Variants in VAV2 observed in about 807,000 individuals in gnomAD.
VAV2 encodes vav guanine nucleotide exchange factor 2, also known as guanine nucleotide exchange factor VAV2.
A neutral mutation model predicts 132.5 loss-of-function variants in VAV2; 67 were observed. The observed-to-expected ratio is 0.51, with a 90% CI of 0.42 to 0.62. The LOEUF is 0.62. VAV2 is among the 20% of genes least tolerant of loss of function. The pLI is 0.00. For synonymous variants in VAV2, 492 were observed against 443.5 expected (o/e 1.11, Z -1.37); for missense variants, 938 against 1,153.6 (o/e 0.81, Z 2.71).
chr9:133,869,515 T>G (rs1323717342), intron 2 of VAV2, among the ~76,000 whole-genome samples: 1 of 151,678 alleles, frequency 6.6e-6, no homozygotes, highest in Non-Finnish European at 1.5e-5. Context: ...GAGGCTGAGG[T>G]GGGAGGATCA....
chr9:133,864,302 G>A (rs1234088697), intron 2 of VAV2, among the ~76,000 whole-genome samples: 2 of 152,214 alleles, frequency 1.3e-5, no homozygotes, highest in Admixed American at 6.5e-5. Flanking sequence ...CACTCAAAAC[G>A]ACCAGGCATG....
In VAV2 at chr9:133,789,971, G is replaced by A. The variant is rs1023574051; in HGVS notation, c.1189-628C>T. Among the ~76,000 whole-genome samples, 8 of 152,220 alleles carry A rather than the reference G, an allele frequency of 5.3e-5. No individual in the cohort carries two copies. The South Asian group carries it at 6.2e-4, about 12-fold the overall frequency. On this transcript the variant is annotated intron_variant, in intron 13 of 29. Coordinates refer to ENST00000371850, the MANE Select transcript of VAV2 (RefSeq NM_001134398.2). ...ACAGGGCCCTGCCTGGGAGGTGCTC[G>A]AGGCACAGGCTCAGTGTCTCCTTCC...
At chr9:133,923,351 A>T (rs1168054558) in intron 2 of VAV2, among the ~76,000 whole-genome samples, 6 of 152,236 alleles carry the variant, frequency 3.9e-5, no homozygotes, top group Non-Finnish European at 4.4e-5. Context: ...GTATATAGCC[A>T]GAAGAATTCA....
At chr9:133,767,968 T>C (rs896661141) in intron 29 of VAV2, among the ~76,000 whole-genome samples, 5 of 152,076 alleles carry the variant, frequency 3.3e-5, no homozygotes, top group African/African-American at 1.2e-4. Context: ...CTTGGGAAAG[T>C]GTGAAGGGAT....
chr9:133,848,658 G>A (rs992666089), intron 3 of VAV2, among the ~76,000 whole-genome samples: 1 of 152,268 alleles, frequency 6.6e-6, no homozygotes, highest in Non-Finnish European at 1.5e-5. Context: ...GTGCTGGCAG[G>A]CACGGGCCCC....
intron 1 of VAV2, among the ~76,000 whole-genome samples, chr9:133,958,437 G>A (rs1182384735): frequency 2.7e-5 from 4 of 150,252 alleles, no homozygotes; most frequent in African/African-American, 9.7e-5. Flanking sequence ...TAAAAGCACA[G>A]CACTTAATCC....
chr9:133,902,371 C>T (rs948304665), intron 2 of VAV2, among the ~76,000 whole-genome samples: 6 of 152,180 alleles, frequency 3.9e-5, no homozygotes, highest in Admixed American at 1.3e-4. Context: ...CATGCAGACA[C>T]GGCTGCGGCC....
At position 133,812,178 on chromosome 9, in the gene VAV2, G is replaced by A. The variant is rs757095462; in HGVS notation, c.488C>T (p.Pro163Leu). The change falls in exon 5 of 30, where the codon CCG (proline) becomes CTG (leucine). Residue 163 changes from proline to leucine, a missense_variant. Pro to Leu is a moderately conservative substitution (Grantham distance 98, BLOSUM62 -3). Coordinates refer to ENST00000371850, the MANE Select transcript of VAV2 (RefSeq NM_001134398.2). The part of the protein sequence containing the change: ...DLGEDIYDCV[P>L]CEDGGDDIYE... ...GATGTCGTCCCCTCCATCCTCACAC[G>A]GGACGCAGTCGTAGATGTCCTCCCC... The A allele has an allele frequency of 5.0e-6, 8 of 1,613,842 alleles. No individual in the cohort carries two copies. Among genetic ancestry groups the A allele is most frequent in the African/African-American group, 4.0e-5 (3 of 74,920 alleles).
intron 2 of VAV2, among the ~76,000 whole-genome samples, chr9:133,886,043 G>A (rs769109569): frequency 1.3e-5 from 2 of 152,226 alleles, no homozygotes; most frequent in Non-Finnish European, 2.9e-5. Flanking sequence ...TGACAGCTGG[G>A]GGGCGGGAAG....
intron 6 of VAV2, 95 bp from the exon 7 acceptor site, chr9:133,809,233 G>A: frequency 8.9e-7 from 1 of 1,118,392 alleles, no homozygotes; most frequent in Non-Finnish European, 1.3e-6. Flanking sequence ...CTCCACAAAA[G>A]AGGACTCCTT....
rs937019580 is a variant in VAV2 at position 133,788,651 on chromosome 9, G to C, written c.1275-165C>G. On this transcript the variant is annotated intron_variant, in intron 14 of 29. Coordinates refer to ENST00000371850, the MANE Select transcript of VAV2 (RefSeq NM_001134398.2). The surrounding 1 kb of genome is among the most constrained non-coding windows in gnomAD (Gnocchi z 5.3). Reference sequence around the variant, plus strand: ...TAATGCTGAGCCTCGGTCAGGTCTCGGCTGTTCCCACACTGCTTCTCCAGG... The same window carrying C: ...TAATGCTGAGCCTCGGTCAGGTCTCCGCTGTTCCCACACTGCTTCTCCAGG... Among the ~76,000 whole-genome samples, 1 of 152,118 alleles carries C rather than the reference G, an allele frequency of 6.6e-6. No homozygotes were observed. Among genetic ancestry groups the C allele is most frequent in the African/African-American group, 2.4e-5 (1 of 41,432 alleles).
intron 1 of VAV2, among the ~76,000 whole-genome samples, chr9:133,986,865 A>G (rs1379030183): frequency 1.3e-5 from 2 of 152,168 alleles, no homozygotes; most frequent in South Asian, 4.2e-4. Context: ...TCAGTCACCA[A>G]GCACCTCATC....
At chr9:133,825,075 G>A (rs948989645) in intron 4 of VAV2, among the ~76,000 whole-genome samples, 10 of 152,168 alleles carry the variant, frequency 6.6e-5, no homozygotes, top group Admixed American at 6.5e-5. Context: ...GCCCAGGTGG[G>A]GCCGAGCACG....
chr9:133,981,773 C>A (rs1588218799), intron 1 of VAV2, among the ~76,000 whole-genome samples: 1 of 152,328 alleles, frequency 6.6e-6, no homozygotes, highest in East Asian at 1.9e-4. Context: ...TGTTTCCAAG[C>A]ATTTCCAAGG....
At chr9:133,887,242 T>C (rs1051256560) in intron 2 of VAV2, among the ~76,000 whole-genome samples, 5 of 152,116 alleles carry the variant, frequency 3.3e-5, no homozygotes, top group African/African-American at 1.2e-4. Flanking sequence ...CCTCAAAGCA[T>C]AAAACCACCC....
chr9:133,857,576 C>T lies in VAV2; in HGVS notation c.380+3798G>A, dbSNP rs1837432518. On this transcript the variant is annotated intron_variant, in intron 3 of 29. Coordinates refer to ENST00000371850, the MANE Select transcript of VAV2 (RefSeq NM_001134398.2). The surrounding 1 kb of genome is among the most constrained non-coding windows in gnomAD (Gnocchi z 4.0). ...TCAAGAAGGAAAGGGTTGTGTTAAA[C>T]TAGAACCTTTTGCTAATCACTAACA... Among the ~76,000 whole-genome samples, 1 of 152,176 alleles carries T rather than the reference C, an allele frequency of 6.6e-6. No homozygotes were observed. Among genetic ancestry groups the T allele is most frequent in the African/African-American group, 2.4e-5 (1 of 41,432 alleles).
intron 2 of VAV2, among the ~76,000 whole-genome samples, chr9:133,897,451 C>T (rs1839257310): frequency 6.6e-6 from 1 of 152,164 alleles, no homozygotes; most frequent in African/African-American, 2.4e-5. Flanking sequence ...CCCCTACCTC[C>T]CATTCATCAC....
At chr9:133,860,446 A>G (rs765708987) in intron 3 of VAV2, among the ~76,000 whole-genome samples, 1 of 152,162 alleles carries the variant, frequency 6.6e-6, no homozygotes, top group Non-Finnish European at 1.5e-5. Context: ...TGTGAACCTG[A>G]GCAAATGGCC....
intron 15 of VAV2, among the ~76,000 whole-genome samples, chr9:133,787,918 A>T (rs1285385577): frequency 6.6e-6 from 1 of 151,944 alleles, no homozygotes; most frequent in Non-Finnish European, 1.5e-5. Flanking sequence ...AGCCAGACCT[A>T]CCCACAGCCC....
Sources: gnomAD v4.1 joint callset for allele counts (sites outside exome capture counted in the v4.1 genomes callset) on GRCh38, gnomAD v4.1.1 for gene constraint, Gnocchi (gnomAD v3.1) non-coding constraint, MANE v1.5 for transcripts, NCBI Gene and HGNC (gene_info 2026-07-23, HGNC 2026-07-21) for gene names.